The following SAMD12 variants were observed in gnomAD, a reference collection of about 807,000 sequenced individuals.
The protein encoded by SAMD12 is sterile alpha motif domain-containing protein 12.
In SAMD12, 9 loss-of-function variants were observed where a neutral mutation model predicts 15.0. That is an observed-to-expected ratio of 0.60 (90% confidence interval 0.36 to 1.05). The LOEUF (loss-of-function observed/expected upper bound fraction) is 1.05, where lower values mean the gene tolerates loss of function less well. Among genes scored for constraint, SAMD12 ranks in the 50% least tolerant of loss-of-function variants. The pLI is 0.01. For synonymous variants in SAMD12, 86 were observed against 90.1 expected, an observed-to-expected ratio of 0.96 and a Z score of 0.25; for missense variants, 230 against 234.2, an observed-to-expected ratio of 0.98 and a Z score of 0.12.
intron 4 of SAMD12, among the ~76,000 whole-genome samples, chr8:118,361,000 G>A (rs779894114): frequency 1.1e-4 from 16 of 152,112 alleles, no homozygotes; most frequent in Admixed American, 7.9e-4. Context: ...AGGCCCACAT[G>A]TTTAATATGA....
the SAMD12 span, among the ~76,000 whole-genome samples, chr8:118,168,808 G>A: frequency 3.9e-5 from 6 of 152,012 alleles, no homozygotes; most frequent in Admixed American, 6.5e-5. Flanking sequence ...AATTGCATAC[G>A]AGTTGTGGAA....
intron 2 of SAMD12, among the ~76,000 whole-genome samples, chr8:118,547,631 T>G (rs1407655249): frequency 6.6e-6 from 1 of 152,184 alleles, no homozygotes; most frequent in African/African-American, 2.4e-5. Flanking sequence ...AGAACTCCAG[T>G]CTTTATGGGT....
intron 4 of SAMD12, among the ~76,000 whole-genome samples, chr8:118,370,426 A>G (rs1393313785): frequency 1.3e-5 from 2 of 152,184 alleles, no homozygotes; most frequent in Admixed American, 6.5e-5. Flanking sequence ...CAGCAATCCC[A>G]TTACTGGGTA....
intron 3 of SAMD12, among the ~76,000 whole-genome samples, chr8:118,429,914 A>T (rs1822346939): frequency 7.0e-6 from 1 of 143,622 alleles, no homozygotes; most frequent in South Asian, 2.1e-4. Context: ...AAATAGATTA[A>T]AAAAAAATAA....
the SAMD12 span, among the ~76,000 whole-genome samples, chr8:118,182,820 G>A: frequency 1.3e-5 from 2 of 152,188 alleles, no homozygotes; most frequent in Non-Finnish European, 2.9e-5. Context: ...AATTTTGGAA[G>A]ACAGATGTTG....
downstream of SAMD12, among the ~76,000 whole-genome samples, chr8:118,186,555 ATTT>A (rs5894417): frequency 8.2e-5 from 12 of 146,692 alleles, no homozygotes; most frequent in African/African-American, 3.0e-4. Flanking sequence ...GTTACCCTCC[ATTT>A]TTTTTTTTTT....
intron 1 of SAMD12, among the ~76,000 whole-genome samples, chr8:118,597,928 TCA>T (rs1291275658): frequency 2.0e-5 from 3 of 152,228 alleles, no homozygotes; most frequent in Non-Finnish European, 4.4e-5. Flanking sequence ...TTCATAATCC[TCA>T]CACAATGGCT....
the SAMD12 span, among the ~76,000 whole-genome samples, chr8:118,173,029 C>A: frequency 3.3e-5 from 5 of 152,126 alleles, no homozygotes; most frequent in Non-Finnish European, 7.4e-5. Flanking sequence ...ATTTCACTTA[C>A]CATAATGTGC....
intron 2 of SAMD12, among the ~76,000 whole-genome samples, chr8:118,513,322 A>G (rs1825139003): frequency 6.6e-6 from 1 of 152,228 alleles, no homozygotes; most frequent in African/African-American, 2.4e-5. Context: ...TTTTAAAGGA[A>G]ATGGTGTTTG....
At position 118,439,953 on chromosome 8, in the gene SAMD12, C is replaced by A. The variant is rs144756754; in HGVS notation, c.201G>T (p.Thr67=). Reference sequence around the variant, plus strand: ...GAGCCACCGGTTTAGATAGCTTCACCGTAGCTGACTATAAATAAAGAAGGA... The same window carrying A: ...GAGCCACCGGTTTAGATAGCTTCACAGTAGCTGACTATAAATAAAGAAGGA... The part of the protein sequence containing the change: ...QAEAETAKSA[T]VKLSKPVALW... Residue 67 remains threonine, a synonymous_variant, in exon 3 of 4, where the codon ACG becomes ACT. Coordinates refer to ENST00000314727, the MANE Select transcript of SAMD12 (RefSeq NM_207506.3). 6.2e-6 allele frequency: 10 copies of A among 1,613,402 alleles called. No homozygotes were observed. In the East Asian group the frequency reaches 8.9e-5, roughly 14 times the overall value.
chr8:118,315,833 G>A (rs148109140), intron 4 of SAMD12, among the ~76,000 whole-genome samples: 3 of 152,072 alleles, frequency 2.0e-5, no homozygotes, highest in Non-Finnish European at 2.9e-5. Flanking sequence ...CTTCTAGGGG[G>A]TGCTGGTTGG....
intron 1 of SAMD12, 127 bp downstream of exon 1, chr8:118,621,677 A>C: frequency 9.5e-7 from 1 of 1,052,442 alleles, no homozygotes; most frequent in Non-Finnish European, 1.5e-6. Flanking sequence ...GAGGTGGAGG[A>C]GGAAGGGGCC....
chr8:118,442,834 G>C (rs7831381), intron 2 of SAMD12, among the ~76,000 whole-genome samples: 3,666 of 152,274 alleles, frequency 0.024, 130 homozygotes, highest in African/African-American at 0.084. Context: ...AATTAGGAAG[G>C]GAAAGGCAGA....
the SAMD12 span, among the ~76,000 whole-genome samples, chr8:118,145,704 T>A: frequency 1.3e-5 from 2 of 152,138 alleles, no homozygotes; most frequent in Admixed American, 1.3e-4. Context: ...AGATATGACA[T>A]CTGTCAAAGG....
chr8:118,574,033 G>A (rs1827087907), intron 2 of SAMD12, among the ~76,000 whole-genome samples: 1 of 152,200 alleles, frequency 6.6e-6, no homozygotes, highest in South Asian at 2.1e-4. Context: ...TGATGTCAGA[G>A]AATGTGACTA....
chr8:118,439,637 G>C (rs1255759052), intron 3 of SAMD12, among the ~76,000 whole-genome samples, 195 bp downstream of exon 3: 1 of 151,930 alleles, frequency 6.6e-6, no homozygotes, highest in African/African-American at 2.4e-5. Flanking sequence ...AAAATCCACA[G>C]TTTTCTATAA....
chr8:118,536,012 G>A (rs1347363778), intron 2 of SAMD12, among the ~76,000 whole-genome samples: 1 of 152,196 alleles, frequency 6.6e-6, no homozygotes. Flanking sequence ...AGTTGGAAAT[G>A]CAGAAATCAC....
At chr8:118,407,569 T>C (rs1377096524) in intron 3 of SAMD12, among the ~76,000 whole-genome samples, 1 of 152,128 alleles carries the variant, frequency 6.6e-6, no homozygotes, top group African/African-American at 2.4e-5. Flanking sequence ...GGAAGAACTA[T>C]GTATGGACAA....
exon 5 of SAMD12, chr8:118,197,677 T>C: frequency 6.3e-7 from 1 of 1,598,122 alleles, no homozygotes; most frequent in Non-Finnish European, 8.6e-7. Flanking sequence ...TCATATCAAC[T>C]GGCAGGACAG....
Sources: gnomAD v4.1 joint callset for allele counts (sites outside exome capture counted in the v4.1 genomes callset) on GRCh38, gnomAD v4.1.1 for gene constraint, MANE v1.5 for transcripts, NCBI Gene and HGNC (gene_info 2026-07-23, HGNC 2026-07-21) for gene names.